Variants in MAP3K5 observed in about 807,000 individuals in gnomAD.
MAP3K5 encodes the protein mitogen-activated protein kinase kinase kinase 5, also known as ASK-1.
Under a neutral mutation model 158.7 loss-of-function variants are expected in MAP3K5, and 56 were observed. The observed-to-expected ratio is 0.35, with a 90% CI of 0.28 to 0.44. MAP3K5 has a LOEUF of 0.44. Among genes scored for constraint, MAP3K5 ranks in the 20% least tolerant of loss-of-function variants. The pLI is 1.00. For synonymous variants in MAP3K5, 579 were observed against 601.7 expected (o/e 0.96, Z 0.55); for missense variants, 1,294 against 1,674.8 (o/e 0.77, Z 3.97).
intron 1 of MAP3K5, among the ~76,000 whole-genome samples, chr6:136,766,876 T>G (rs1371309949): frequency 6.6e-6 from 1 of 152,196 alleles, no homozygotes; most frequent in East Asian, 1.9e-4. Flanking sequence ...TAAGTTTTTT[T>G]CTTACAAAAA....
At chr6:136,680,345 T>A (rs1174410014) in intron 7 of MAP3K5, among the ~76,000 whole-genome samples, 3 of 152,232 alleles carry the variant, frequency 2.0e-5, no homozygotes, top group Admixed American at 6.5e-5. Context: ...TTTTATGTTA[T>A]ATATATTTTA....
chr6:136,763,661 C>T (rs987395107), intron 1 of MAP3K5, among the ~76,000 whole-genome samples: 1 of 152,208 alleles, frequency 6.6e-6, no homozygotes, highest in Non-Finnish European at 1.5e-5. Context: ...CCCTCTATGA[C>T]TTGGCTATCT....
At position 136,582,263 on chromosome 6, in the gene MAP3K5, CGTGTGTGTGTGTGTGT is replaced by C. The variant is rs61451347; in HGVS notation, c.3411+1276_3411+1291del. Among the ~76,000 whole-genome samples the C allele has an allele frequency of 6.7e-4, 93 of 138,130 alleles. 1 individual carries two copies. Among genetic ancestry groups the C allele is most frequent in the South Asian group, 5.7e-3 (23 of 4,028 alleles). The allele number at this position is 138,130 out of a possible 152,430, so 90.6% of individuals were successfully genotyped here. Reference sequence around the variant, plus strand: ...GTGTATGTGTACACGTGTGTGTATACGTGTGTGTGTGTGTGTGTGTGTGTGTGTGTGTGTGTGTGTG... The same window carrying C: ...GTGTATGTGTACACGTGTGTGTATACGTGTGTGTGTGTGTGTGTGTGTGTG... On this transcript the variant is annotated intron_variant, in intron 24 of 29. Transcript: ENST00000359015.
chr6:136,606,062 TA>T (rs1289816043), intron 18 of MAP3K5, among the ~76,000 whole-genome samples: 1 of 152,152 alleles, frequency 6.6e-6, no homozygotes, highest in Non-Finnish European at 1.5e-5. Flanking sequence ...TGACTAAGAA[TA>T]AAGTGAAGGC....
chr6:136,722,412 A>G (rs930338441), intron 1 of MAP3K5, among the ~76,000 whole-genome samples: 6 of 152,216 alleles, frequency 3.9e-5, no homozygotes, highest in African/African-American at 1.2e-4. Flanking sequence ...TCAATTTAAA[A>G]TAACTCAGCA....
chr6:136,654,297 T>C (rs1344504490), intron 10 of MAP3K5, among the ~76,000 whole-genome samples: 1 of 152,230 alleles, frequency 6.6e-6, no homozygotes, highest in Non-Finnish European at 1.5e-5. Context: ...GTCTCCACAA[T>C]GGTGTCAACT....
chr6:136,752,265 C>T (rs1484459204), intron 1 of MAP3K5, among the ~76,000 whole-genome samples: 2 of 152,108 alleles, frequency 1.3e-5, no homozygotes, highest in African/African-American at 4.8e-5. Context: ...TTAAGCACAC[C>T]ACCTACCTTT....
At chr6:136,588,600 G>A (rs573944039) in intron 23 of MAP3K5, among the ~76,000 whole-genome samples, 78 of 152,282 alleles carry the variant, frequency 5.1e-4, no homozygotes, top group Admixed American at 9.1e-4. Flanking sequence ...ACATAGTACA[G>A]TGCCTGGCCT....
intron 1 of MAP3K5, among the ~76,000 whole-genome samples, chr6:136,727,724 GC>G (rs1239385353): frequency 6.6e-5 from 10 of 151,908 alleles, no homozygotes; most frequent in African/African-American, 2.2e-4. Flanking sequence ...ACTTTGGGAG[GC>G]CAAGGCGGGC....
intron 10 of MAP3K5, among the ~76,000 whole-genome samples, chr6:136,655,145 C>G (rs1460449950): frequency 6.6e-6 from 1 of 152,110 alleles, no homozygotes; most frequent in Non-Finnish European, 1.5e-5. Context: ...TCTAAACGGG[C>G]TCAAAGTGAC....
intron 2 of MAP3K5, among the ~76,000 whole-genome samples, chr6:136,705,421 A>G (rs1025535331): frequency 1.3e-5 from 2 of 152,158 alleles, no homozygotes; most frequent in African/African-American, 4.8e-5. Context: ...CAGCCTCCCA[A>G]GTAGCTAGGA....
Position 136,592,483 on chromosome 6 carries a change from A to G in MAP3K5, c.3010T>C (p.Ser1004Pro). ...CCCTTGACATCTCTTTCTCCGCAGG[A>G]CTTGGCTCTTGTTTTGAAAGAGAAG... is the stretch of plus-strand genomic sequence containing the variant. ...DPFSFKTRAK[S>P]CGERDVKGIR... The change falls in exon 22 of 30, where the codon TCC (serine) becomes CCC (proline). Residue 1004 changes from serine to proline, a missense_variant. This residue lies in a region of MAP3K5 where 362 missense variants were observed against 463.2 expected (regional missense o/e 0.78). Transcript: ENST00000359015. 6.2e-7 allele frequency: 1 copy of G among 1,613,946 alleles called. No homozygotes were observed. Among genetic ancestry groups the G allele is most frequent in the East Asian group, 2.2e-5 (1 of 44,854 alleles).
At chr6:136,726,393 G>A (rs1423790501) in intron 1 of MAP3K5, among the ~76,000 whole-genome samples, 2 of 152,200 alleles carry the variant, frequency 1.3e-5, no homozygotes, top group African/African-American at 4.8e-5. Context: ...AGGAGTTTGA[G>A]ACCAGCCTGG....
At chr6:136,706,882 G>C (rs4286798) in intron 2 of MAP3K5, among the ~76,000 whole-genome samples, 86,837 of 152,126 alleles carry the variant, frequency 0.57, 25,967 homozygotes, top group African/African-American at 0.75. Flanking sequence ...TGCCGTGGCT[G>C]ACGCCTGTAA....
chr6:136,717,126 T>A (rs1781564961), intron 2 of MAP3K5, among the ~76,000 whole-genome samples: 1 of 151,916 alleles, frequency 6.6e-6, no homozygotes, highest in Non-Finnish European at 1.5e-5. Flanking sequence ...AAAATCAACT[T>A]CCTTCTCTCA....
intron 1 of MAP3K5, among the ~76,000 whole-genome samples, chr6:136,773,722 A>C (rs1025730849): frequency 6.6e-6 from 1 of 152,246 alleles, no homozygotes; most frequent in Admixed American, 6.5e-5. Context: ...ATCTCAGCTC[A>C]CTGCAGCCTC....
At chr6:136,697,738 T>G (rs1780664502) in intron 4 of MAP3K5, among the ~76,000 whole-genome samples, 1 of 152,042 alleles carries the variant, frequency 6.6e-6, no homozygotes, top group South Asian at 2.1e-4. Context: ...CTATGATTTT[T>G]TGTTTGTTTG....
intron 15 of MAP3K5, among the ~76,000 whole-genome samples, chr6:136,620,791 A>G (rs925093672): frequency 3.3e-5 from 5 of 152,350 alleles, no homozygotes; most frequent in Non-Finnish European, 4.4e-5. Flanking sequence ...TTACAGAGAG[A>G]TGTAAGGGAA....
intron 18 of MAP3K5, among the ~76,000 whole-genome samples, chr6:136,608,084 C>T (rs1776177398): frequency 6.6e-6 from 1 of 152,094 alleles, no homozygotes; most frequent in Non-Finnish European, 1.5e-5. Context: ...GAGGAAAAGC[C>T]TGTGCAAAGG....
Sources: allele counts gnomAD v4.1 joint callset (sites outside exome capture counted in the v4.1 genomes callset), GRCh38; gene constraint gnomAD v4.1.1; regional missense constraint gnomAD v4.1.1; transcripts MANE v1.5; gene names NCBI Gene and HGNC (gene_info 2026-07-23, HGNC 2026-07-21).